ZNRF1: variants seen among roughly 807,000 people sequenced by gnomAD.
ZNRF1 encodes E3 ubiquitin-protein ligase ZNRF1.
Under a neutral mutation model 18.4 loss-of-function variants are expected in ZNRF1, and 3 were observed. That is an observed-to-expected ratio of 0.16 (90% CI 0.07 to 0.42). The LOEUF is 0.42. Among genes scored for constraint, ZNRF1 ranks in the 10% least tolerant of loss-of-function variants. ZNRF1 has a pLI of 0.99. For synonymous variants in ZNRF1, 157 were observed against 144.2 expected (o/e 1.09, Z -0.64); for missense variants, 310 against 329.8 (o/e 0.94, Z 0.47).
chr16:75,095,050 G>A (rs558852838), intron 2 of ZNRF1: 321 of 152,546 alleles, frequency 2.1e-3, no homozygotes, highest in Non-Finnish European at 3.8e-3. Flanking sequence ...AGCCTAGGAG[G>A]GATCATGGTC....
chr16:75,081,471 G>A (rs909209880), intron 1 of ZNRF1, among the ~76,000 whole-genome samples: 4 of 152,226 alleles, frequency 2.6e-5, no homozygotes, highest in Non-Finnish European at 5.9e-5. Context: ...TTTGTTTCTT[G>A]AGGGAAAGTG....
chr16:75,048,097 C>T (rs11149793), intron 1 of ZNRF1, among the ~76,000 whole-genome samples: 109,361 of 151,956 alleles, frequency 0.72, 42,508 homozygotes, highest in Non-Finnish European at 0.87. Flanking sequence ...GAACTACAGG[C>T]ACGCCGCCAC....
intron 3 of ZNRF1, chr16:75,105,294 G>T: frequency 5.3e-6 from 1 of 189,094 alleles, no homozygotes; most frequent in Non-Finnish European, 1.1e-5. Flanking sequence ...CCAGGCGGAG[G>T]GTGTACCCAC....
At chr16:75,044,345 A>G (rs1191072894) in intron 1 of ZNRF1, among the ~76,000 whole-genome samples, 1 of 151,360 alleles carries the variant, frequency 6.6e-6, no homozygotes, top group Non-Finnish European at 1.5e-5. Context: ...CAGCCTCCCA[A>G]ATAGCTAGGA....
chr16:75,097,145 T>C (rs904999241), intron 2 of ZNRF1, among the ~76,000 whole-genome samples: 4 of 152,218 alleles, frequency 2.6e-5, no homozygotes, highest in Non-Finnish European at 2.9e-5. Context: ...CTAACATCTC[T>C]GTTTGTGACT....
chr16:75,062,616 C>T (rs941549243), intron 1 of ZNRF1, among the ~76,000 whole-genome samples: 1 of 152,236 alleles, frequency 6.6e-6, no homozygotes, highest in South Asian at 2.1e-4. Flanking sequence ...TGGCCGCCTG[C>T]GGCAAGATGA....
chr16:75,051,040 A>C (rs1417885326), intron 1 of ZNRF1, among the ~76,000 whole-genome samples: 2 of 65,484 alleles, frequency 3.1e-5, no homozygotes, highest in African/African-American at 5.9e-5. Flanking sequence ...AAAAAGAAAA[A>C]AAAAAAAAAC....
intron 1 of ZNRF1, among the ~76,000 whole-genome samples, chr16:75,083,782 G>T (rs2036042461): frequency 6.6e-6 from 1 of 152,156 alleles, no homozygotes; most frequent in African/African-American, 2.4e-5. Flanking sequence ...GCACTCCAGA[G>T]AAAATGCACA....
At chr16:75,090,977 C>T (rs1301129504) in intron 1 of ZNRF1, among the ~76,000 whole-genome samples, 3 of 152,124 alleles carry the variant, frequency 2.0e-5, no homozygotes, top group Non-Finnish European at 4.4e-5. Context: ...TCTTGAACTC[C>T]TGAGCTCAAG....
At chr16:75,100,873 C>T (rs1198680620) in intron 2 of ZNRF1, among the ~76,000 whole-genome samples, 3 of 152,146 alleles carry the variant, frequency 2.0e-5, no homozygotes, top group Admixed American at 1.3e-4. Flanking sequence ...GCTGTTTTTC[C>T]TCCCATCTCT....
At chr16:75,105,773 CTT>C (rs1342438801) in intron 3 of ZNRF1, 1 of 152,250 alleles carries the variant, frequency 6.6e-6, no homozygotes, top group Non-Finnish European at 1.5e-5. Flanking sequence ...TGGTTCCTGT[CTT>C]TGAAAATGCC....
chr16:75,005,524 A>G (rs1324535407), intron 1 of ZNRF1, among the ~76,000 whole-genome samples: 1 of 152,146 alleles, frequency 6.6e-6, no homozygotes, highest in Non-Finnish European at 1.5e-5. Flanking sequence ...CATATGTGGT[A>G]TTCACCCCAA....
intron 1 of ZNRF1, among the ~76,000 whole-genome samples, chr16:75,035,035 G>T (rs1391470368): frequency 1.3e-5 from 2 of 152,050 alleles, no homozygotes; most frequent in Non-Finnish European, 2.9e-5. Context: ...CATAGCAACT[G>T]CACCATTTTA....
At chr16:75,053,116 C>G (rs545694283) in intron 1 of ZNRF1, among the ~76,000 whole-genome samples, 3 of 152,236 alleles carry the variant, frequency 2.0e-5, no homozygotes, top group East Asian at 3.9e-4. Flanking sequence ...ATTTATAGAT[C>G]GCAGAGGAAA....
chr16:75,088,482 G>C (rs962266673), intron 1 of ZNRF1, among the ~76,000 whole-genome samples: 1 of 152,190 alleles, frequency 6.6e-6, no homozygotes, highest in Non-Finnish European at 1.5e-5. Context: ...CTACAAGTTA[G>C]CCCGGACTAT....
In ZNRF1 at chr16:75,005,847, A is replaced by G. The variant is rs548095147; in HGVS notation, c.424+5752A>G. On this transcript the variant is annotated intron_variant, in intron 1 of 4. Transcript: ENST00000335325. ...TCATGCATTGCTTAATGACAGGGAT[A>G]CTTTCTGAGAAATGGGTCATTAAGG... Among the ~76,000 whole-genome samples, 13 of 152,290 alleles carry G rather than the reference A, an allele frequency of 8.5e-5. No individual in the cohort carries two copies. The South Asian group carries it at 2.3e-3, about 27-fold the overall frequency.
At chr16:75,087,090 G>A (rs2036083382) in intron 1 of ZNRF1, among the ~76,000 whole-genome samples, 1 of 152,158 alleles carries the variant, frequency 6.6e-6, no homozygotes, top group Non-Finnish European at 1.5e-5. Flanking sequence ...ATAAAAACTC[G>A]AGTTGATATT....
At chr16:75,039,034 T>C (rs2035408719) in intron 1 of ZNRF1, among the ~76,000 whole-genome samples, 1 of 152,206 alleles carries the variant, frequency 6.6e-6, no homozygotes, top group African/African-American at 2.4e-5. Context: ...AGTAGGTATG[T>C]GATAAATCCT....
chr16:75,004,131 G>C (rs1020341762), intron 1 of ZNRF1, among the ~76,000 whole-genome samples: 2 of 152,004 alleles, frequency 1.3e-5, no homozygotes, highest in Non-Finnish European at 2.9e-5. Context: ...AGGCCTAATG[G>C]TCTCAGAATT....
Sources: allele counts gnomAD v4.1 joint callset (sites outside exome capture counted in the v4.1 genomes callset), GRCh38; gene constraint gnomAD v4.1.1; transcripts MANE v1.5; gene names NCBI Gene and HGNC (gene_info 2026-07-23, HGNC 2026-07-21).